The following PTPRE variants were observed in gnomAD, a reference collection of about 807,000 sequenced individuals.
The protein encoded by PTPRE is receptor-type tyrosine-protein phosphatase epsilon.
PTPRE carries 51 observed loss-of-function variants against 102.0 expected under a neutral mutation model. That is an observed-to-expected ratio of 0.50 (90% CI 0.40 to 0.63). The LOEUF (loss-of-function observed/expected upper bound fraction) is 0.63, where lower values mean the gene tolerates loss of function less well. Among genes scored for constraint, PTPRE ranks in the 30% least tolerant of loss-of-function variants. The pLI is 0.00. For synonymous variants in PTPRE, 345 were observed against 348.2 expected, an observed-to-expected ratio of 0.99 and a Z score of 0.10; for missense variants, 752 against 915.1, an observed-to-expected ratio of 0.82 and a Z score of 2.30.
intron 1 of PTPRE, among the ~76,000 whole-genome samples, chr10:127,918,284 T>C (rs1166801064): frequency 6.6e-6 from 1 of 151,968 alleles, no homozygotes; most frequent in Non-Finnish European, 1.5e-5. Flanking sequence ...ATCGGCCTGG[T>C]GCAGTGGCTC....
chr10:128,010,545 C>CCTTTTCTTTTCTTTTCTTTTCTTTT (rs59253362), intron 2 of PTPRE, among the ~76,000 whole-genome samples: 1,854 of 128,302 alleles, frequency 0.014, 68 homozygotes, highest in African/African-American at 0.033. Flanking sequence ...AAACCCTGTT[C>CCTTTTCTTTTCTTTTCTTTTCTTTT]CTTTTCTTTT....
Position 128,047,642 on chromosome 10 carries a change from C to T in PTPRE, c.210-122C>T, listed in dbSNP as rs376370956. ...ACACAGAGGCCAGGCCTTAGCGCGGCTCAGCCATGAGCAACAGGAGTAGCT... is the reference window on the plus strand; with the variant it reads ...ACACAGAGGCCAGGCCTTAGCGCGGTTCAGCCATGAGCAACAGGAGTAGCT... On this transcript the variant is annotated intron_variant, in intron 4 of 20. Transcript: ENST00000254667. 6 of 1,614,074 alleles carry T rather than the reference C, an allele frequency of 3.7e-6. No homozygotes were observed. The African/African-American group carries it at 8.0e-5, about 22-fold the overall frequency.
At position 128,037,593 on chromosome 10, in the gene PTPRE, A is replaced by G. The variant is rs59226090; in HGVS notation, c.-7-3282A>G. 0.013 allele frequency among the ~76,000 whole-genome samples: 1,924 copies of G among 152,310 alleles called. 171 individuals are homozygous for G. In the East Asian group the frequency reaches 0.23, roughly 19 times the overall value. ...GAACTTGCCCAGTGAAGAATATTAAAAAGACATCAGATGGAATAAAAAGAC... is the reference window on the plus strand; with the variant it reads ...GAACTTGCCCAGTGAAGAATATTAAGAAGACATCAGATGGAATAAAAAGAC... On this transcript the variant is annotated intron_variant, in intron 2 of 20. Transcript: ENST00000254667.
At chr10:128,010,057 TCA>T (rs1388036695) in intron 2 of PTPRE, among the ~76,000 whole-genome samples, 45 of 152,240 alleles carry the variant, frequency 3.0e-4, no homozygotes, top group African/African-American at 9.4e-4. Context: ...GGCCATTCAT[TCA>T]TTCATTCACT....
At chr10:127,934,317 A>G (rs1457237227) in intron 1 of PTPRE, 2 of 152,054 alleles carry the variant, frequency 1.3e-5, no homozygotes, top group Non-Finnish European at 2.9e-5. Flanking sequence ...TATTAAGGTG[A>G]TATTCTTGTC....
At chr10:128,058,303 C>A (rs1849189643) in intron 7 of PTPRE, among the ~76,000 whole-genome samples, 1 of 152,176 alleles carries the variant, frequency 6.6e-6, no homozygotes, top group East Asian at 1.9e-4. Context: ...GAGCCACGTT[C>A]TCAAGTCTTC....
chr10:127,940,399 G>T (rs1417140172), intron 1 of PTPRE, among the ~76,000 whole-genome samples: 2 of 152,182 alleles, frequency 1.3e-5, no homozygotes, highest in Non-Finnish European at 2.9e-5. Context: ...GGTACTGCAG[G>T]CTCACAGCCT....
At chr10:128,011,704 A>C (rs7077701) in intron 2 of PTPRE, among the ~76,000 whole-genome samples, 5,598 of 152,260 alleles carry the variant, frequency 0.037, 350 homozygotes, top group African/African-American at 0.13. Context: ...TGCTTCCTCT[A>C]TCTGTCCTGT....
intron 2 of PTPRE, among the ~76,000 whole-genome samples, chr10:128,023,897 C>T (rs1336142843): frequency 6.6e-6 from 1 of 152,178 alleles, no homozygotes; most frequent in Non-Finnish European, 1.5e-5. Context: ...CAAAGACTAT[C>T]CCAAACACAA....
At position 127,936,564 on chromosome 10, in the gene PTPRE, T is replaced by A. The variant is rs1847857450; in HGVS notation, c.-31+29255T>A. 3.3e-5 allele frequency among the ~76,000 whole-genome samples: 5 copies of A among 152,196 alleles called. 1 individual carries two copies. Among genetic ancestry groups the A allele is most frequent in the Admixed American group, 3.3e-4 (5 of 15,282 alleles). ...AGCCCACTCCACAGGGGTCTTCAGATAGGGGTAGAAGGTGGTGCCCTGGGC... is the reference window on the plus strand; with the variant it reads ...AGCCCACTCCACAGGGGTCTTCAGAAAGGGGTAGAAGGTGGTGCCCTGGGC... On this transcript the variant is annotated intron_variant, in intron 1 of 20. Coordinates refer to ENST00000254667, the MANE Select transcript of PTPRE (RefSeq NM_006504.6).
At position 128,028,634 on chromosome 10, in the gene PTPRE, C is replaced by A. The variant is rs1485904162; in HGVS notation, c.-7-12241C>A. Among the ~76,000 whole-genome samples, 2 of 152,272 alleles carry A rather than the reference C, an allele frequency of 1.3e-5. No homozygotes were observed. Among genetic ancestry groups the A allele is most frequent in the Non-Finnish European group, 2.9e-5 (2 of 68,026 alleles). On this transcript the variant is annotated intron_variant, in intron 2 of 20. Coordinates refer to ENST00000254667, the MANE Select transcript of PTPRE (RefSeq NM_006504.6). This position sits in a 1 kb window ranked among gnomAD's most constrained non-coding sequence, Gnocchi z 4.5. ...AGCCCCATCTGTCCCCGAGACCCCA[C>A]CCCCTCAGGCACAGCTGAGCAGCCC...
At position 128,070,041 on chromosome 10, in the gene PTPRE, GC is replaced by G; in HGVS notation, c.1143+215del. ...CCCTCGTATCCTCATGTGAGATGGG[GC>G]AATCCTACTCCCCCAAACGGTGCAT... On this transcript the variant is annotated intron_variant, in intron 13 of 20. Transcript: ENST00000254667. This position sits in a 1 kb window ranked among gnomAD's most constrained non-coding sequence, Gnocchi z 4.8. The G allele has an allele frequency of 2.7e-6, 2 of 733,872 alleles. No homozygotes were observed. The highest frequency in any genetic ancestry group is 4.4e-6 in the Non-Finnish European group (2 of 454,400). 45.5% of individuals were successfully genotyped at this position (733,872 alleles called of 1,614,324 possible).
intron 2 of PTPRE, among the ~76,000 whole-genome samples, chr10:128,004,340 G>C (rs1009766478): frequency 1.3e-5 from 2 of 151,956 alleles, no homozygotes; most frequent in Non-Finnish European, 2.9e-5. Flanking sequence ...GTGTTGGGCA[G>C]CCATCACCTC....
At chr10:127,994,823 C>T (rs1853085695) in intron 2 of PTPRE, among the ~76,000 whole-genome samples, 1 of 152,190 alleles carries the variant, frequency 6.6e-6, no homozygotes, top group African/African-American at 2.4e-5. Context: ...TGCACTGGCC[C>T]CAAACTGGGC....
At chr10:128,075,454 C>A (rs930882607) in intron 17 of PTPRE, among the ~76,000 whole-genome samples, 1 of 152,112 alleles carries the variant, frequency 6.6e-6, no homozygotes, top group Non-Finnish European at 1.5e-5. Context: ...CCTCCACCCC[C>A]CAACTGGCCC....
chr10:127,907,427 G>A lies in PTPRE; in HGVS notation c.-31+118G>A, dbSNP rs942742819. On this transcript the variant is annotated intron_variant, in intron 1 of 20. Coordinates refer to ENST00000254667, the MANE Select transcript of PTPRE (RefSeq NM_006504.6). This position sits in a 1 kb window ranked among gnomAD's most constrained non-coding sequence, Gnocchi z 4.8. ...GCCGCGGGAGGGAGGGGCCGCTCCG[G>A]GGCTCAGAGTCCGGACCCCGGCCCC... 2 of 790,962 alleles carry A rather than the reference G, an allele frequency of 2.5e-6. No individual in the cohort carries two copies. Among genetic ancestry groups the A allele is most frequent in the Non-Finnish European group, 3.1e-6 (2 of 653,538 alleles). The allele number at this position is 790,962 out of a possible 1,614,324, so 49.0% of individuals were successfully genotyped here.
At chr10:127,958,909 T>C (rs1318032539) in intron 1 of PTPRE, among the ~76,000 whole-genome samples, 8 of 150,912 alleles carry the variant, frequency 5.3e-5, no homozygotes, top group Admixed American at 5.3e-4. Context: ...TTTTTTTTTT[T>C]TCCTGAGACG....
chr10:128,074,771 G>A (rs1055648075), intron 17 of PTPRE, among the ~76,000 whole-genome samples: 25 of 152,064 alleles, frequency 1.6e-4, no homozygotes, highest in South Asian at 2.1e-4. Context: ...TACTAGGAGC[G>A]GAATTGCTAG....
At chr10:128,077,985 G>A (rs2298196) in intron 19 of PTPRE, among the ~76,000 whole-genome samples, 14,930 of 152,274 alleles carry the variant, frequency 0.098, 1,080 homozygotes, top group African/African-American at 0.2. Context: ...TAAGATGCAT[G>A]TGTGTCATCT....
Sources: allele counts gnomAD v4.1 joint callset (sites outside exome capture counted in the v4.1 genomes callset), GRCh38; gene constraint gnomAD v4.1.1; non-coding constraint Gnocchi (gnomAD v3.1); transcripts MANE v1.5; gene names NCBI Gene and HGNC (gene_info 2026-07-23, HGNC 2026-07-21).